Variants in ERGIC2 observed in about 807,000 individuals in gnomAD.
ERGIC2 encodes ERGIC and golgi 2, also known as endoplasmic reticulum-Golgi intermediate compartment protein 2.
Under a neutral mutation model 52.5 loss-of-function variants are expected in ERGIC2, and 31 were observed. That is an observed-to-expected ratio of 0.59 (90% CI 0.44 to 0.80). ERGIC2 has a LOEUF of 0.80. Ranked by LOEUF, ERGIC2 falls within the 30% of genes least tolerant of loss-of-function variation. ERGIC2 has a pLI of 0.00. For missense variants in ERGIC2, 395 were observed against 455.2 expected, an observed-to-expected ratio of 0.87 and a Z score of 1.20; for synonymous variants, 129 against 140.6, an observed-to-expected ratio of 0.92 and a Z score of 0.58.
intron 8 of ERGIC2, among the ~76,000 whole-genome samples, chr12:29,354,964 T>A (rs926737400): frequency 2.6e-5 from 4 of 152,076 alleles, no homozygotes; most frequent in Non-Finnish European, 4.4e-5. Flanking sequence ...AAACATAAAT[T>A]TCAAGAGATA....
At chr12:29,362,521 C>A (rs779094269) in intron 5 of ERGIC2, among the ~76,000 whole-genome samples, 3 of 151,668 alleles carry the variant, frequency 2.0e-5, no homozygotes, top group African/African-American at 7.3e-5. Context: ...TGCTTGAACC[C>A]GGGAGGTGGA....
intron 1 of ERGIC2, among the ~76,000 whole-genome samples, chr12:29,376,744 C>CA (rs1384748271): frequency 6.6e-6 from 1 of 152,162 alleles, no homozygotes; most frequent in Non-Finnish European, 1.5e-5. Context: ...CCTCTCTACT[C>CA]AGTGTGGTAA....
At chr12:29,349,020 T>C in intron 10 of ERGIC2, 59 bp downstream of exon 10, 2 of 831,866 alleles carry the variant, frequency 2.4e-6, no homozygotes, top group Non-Finnish European at 3.9e-6. Context: ...GTATTAATAT[T>C]CAGGTTATAA....
intron 8 of ERGIC2, among the ~76,000 whole-genome samples, chr12:29,352,190 T>C (rs1259941838): frequency 1.3e-5 from 2 of 152,212 alleles, no homozygotes; most frequent in Admixed American, 6.5e-5. Flanking sequence ...GAGAGAGTCA[T>C]ATATGGTCTC....
chr12:29,370,389 A>AT (rs1273192208), intron 2 of ERGIC2, among the ~76,000 whole-genome samples, 167 bp from the exon 3 acceptor site: 2 of 151,952 alleles, frequency 1.3e-5, no homozygotes, highest in Admixed American at 6.6e-5. Flanking sequence ...TTTATTATGC[A>AT]TTTTTTCTAA....
intron 6 of ERGIC2, among the ~76,000 whole-genome samples, chr12:29,359,229 A>G (rs1036626877): frequency 6.6e-6 from 1 of 151,956 alleles, no homozygotes; most frequent in African/African-American, 2.4e-5. Flanking sequence ...TCAGACATTT[A>G]AAGACATTGA....
intron 10 of ERGIC2, among the ~76,000 whole-genome samples, chr12:29,346,788 C>T (rs1189534849): frequency 6.6e-6 from 1 of 152,150 alleles, no homozygotes; most frequent in Non-Finnish European, 1.5e-5. Flanking sequence ...TACTAATTAA[C>T]TGTAAACAAT....
intron 5 of ERGIC2, among the ~76,000 whole-genome samples, chr12:29,362,368 G>A (rs1476935030): frequency 2.0e-5 from 3 of 152,074 alleles, no homozygotes; most frequent in Admixed American, 2.0e-4. Context: ...CTGAGCTCAG[G>A]AGTTCAAGAC....
In ERGIC2 at chr12:29,349,085, T is replaced by G. The variant is rs533307798; in HGVS notation, c.721A>C (p.Ile241Leu). The G allele has an allele frequency of 5.3e-6, 8 of 1,495,980 alleles. No homozygotes were observed. The South Asian group carries it at 8.7e-5, about 16-fold the overall frequency. 92.7% of individuals were successfully genotyped at this position (1,495,980 alleles called of 1,614,324 possible). A position where few individuals can be genotyped will look rare whatever the true frequency, so the allele number is the denominator to read the frequency against. The change falls in exon 10 of 14, where the codon ATA (isoleucine) becomes CTA (leucine). Residue 241 changes from isoleucine to leucine, a missense_variant. Physicochemically the swap from Ile to Leu is conservative, Grantham distance 5. Coordinates refer to ENST00000360150, the MANE Select transcript of ERGIC2 (RefSeq NM_016570.3). ...NPLDGTEKIA[I>L]DHNQMFQYFI... ...ATAATTATTAAATACTTACGATCTA[T>G]AGCAATTTTTTCAGTTCCATCTAAA...
intron 2 of ERGIC2, among the ~76,000 whole-genome samples, chr12:29,370,811 A>AT (rs1940430830): frequency 6.6e-6 from 1 of 152,074 alleles, no homozygotes; most frequent in Non-Finnish European, 1.5e-5. Context: ...TCTCCTAAAT[A>AT]TATCACCTCA....
In ERGIC2 at chr12:29,381,158, C is replaced by T. The variant is rs1184448613; in HGVS notation, c.-81G>A. 1.3e-5 allele frequency: 2 copies of T among 152,194 alleles called. No individual in the cohort carries two copies. The highest frequency in any genetic ancestry group is 2.9e-5 in the Non-Finnish European group (2 of 68,066). The allele number at this position is 152,194 out of a possible 1,614,324, so 9.4% of individuals were successfully genotyped here. On this transcript the variant is annotated 5_prime_UTR_variant, in exon 1 of 14. Coordinates refer to ENST00000360150, the MANE Select transcript of ERGIC2 (RefSeq NM_016570.3). Reference sequence around the variant, plus strand: ...CCTACCGCCATGTTTCACAGAAGCCCGGGTCGCCGGGGCTCCCGCGTACCC... The same window carrying T: ...CCTACCGCCATGTTTCACAGAAGCCTGGGTCGCCGGGGCTCCCGCGTACCC...
At chr12:29,357,807 G>T in intron 6 of ERGIC2, 83 bp from the exon 7 acceptor site, 1 of 792,690 alleles carries the variant, frequency 1.3e-6, no homozygotes, top group South Asian at 1.5e-5. Flanking sequence ...ATGTTTAGCT[G>T]ACTTAGTTAA....
chr12:29,341,920 C>A, intron 12 of ERGIC2, 104 bp from the exon 13 acceptor site: 1 of 568,346 alleles, frequency 1.8e-6, no homozygotes, highest in South Asian at 2.4e-5. Context: ...AAGCAGTTTG[C>A]ATTATTCACT....
At chr12:29,378,182 CAG>C (rs1940539516) in intron 1 of ERGIC2, among the ~76,000 whole-genome samples, 1 of 152,074 alleles carries the variant, frequency 6.6e-6, no homozygotes, top group African/African-American at 2.4e-5. Flanking sequence ...TGTGAAGACA[CAG>C]AGAAACACAA....
chr12:29,349,911 T>C lies in ERGIC2; in HGVS notation c.628+102A>G, dbSNP rs1354706397. 2.8e-5 allele frequency: 19 copies of C among 667,428 alleles called. No individual in the cohort carries two copies. The South Asian group carries it at 3.7e-4, about 13-fold the overall frequency. 41.3% of individuals were successfully genotyped at this position (667,428 alleles called of 1,614,324 possible). On this transcript the variant is annotated intron_variant, in intron 9 of 13. Coordinates refer to ENST00000360150, the MANE Select transcript of ERGIC2 (RefSeq NM_016570.3). Reference sequence around the variant, plus strand: ...ATTTATTTTTTCCTTTGGATGAATATGTTTTCAAAACAGCTCACTTTCAAC... The same window carrying C: ...ATTTATTTTTTCCTTTGGATGAATACGTTTTCAAAACAGCTCACTTTCAAC...
At chr12:29,372,105 C>A (rs570888464) in intron 1 of ERGIC2, among the ~76,000 whole-genome samples, 1 of 151,958 alleles carries the variant, frequency 6.6e-6, no homozygotes, top group African/African-American at 2.4e-5. Context: ...TTTGGGAGGC[C>A]GAGGCGGGTG....
At chr12:29,342,703 TA>T (rs958232773) in intron 12 of ERGIC2, among the ~76,000 whole-genome samples, 16 of 152,208 alleles carry the variant, frequency 1.1e-4, no homozygotes, top group Non-Finnish European at 1.8e-4. Context: ...ACTGTACAGT[TA>T]AAAATGTCTT....
At chr12:29,353,447 G>A (rs1320947679) in intron 8 of ERGIC2, among the ~76,000 whole-genome samples, 1 of 152,116 alleles carries the variant, frequency 6.6e-6, no homozygotes, top group African/African-American at 2.4e-5. Flanking sequence ...AAATGCTTGG[G>A]ATCAGAAGTT....
In ERGIC2 at chr12:29,340,748, C is replaced by T. The variant is rs986513351; in HGVS notation, c.*408G>A. On this transcript the variant is annotated 3_prime_UTR_variant, in exon 14 of 14. Coordinates refer to ENST00000360150, the MANE Select transcript of ERGIC2 (RefSeq NM_016570.3). ...TCCACATTTTATTCTGACATCATAT[C>T]TTTTAAAAACAAAAGGATGCGAACA... 7.6e-6 allele frequency: 3 copies of T among 394,368 alleles called. No homozygotes were observed. Among genetic ancestry groups the T allele is most frequent in the Non-Finnish European group, 1.4e-5 (3 of 207,914 alleles). 24.4% of individuals were successfully genotyped at this position (394,368 alleles called of 1,614,324 possible).
Sources: allele counts gnomAD v4.1 joint callset (sites outside exome capture counted in the v4.1 genomes callset), GRCh38; gene constraint gnomAD v4.1.1; transcripts MANE v1.5; gene names NCBI Gene and HGNC (gene_info 2026-07-23, HGNC 2026-07-21).